Variants in ICAM4 observed in about 807,000 individuals in gnomAD.
ICAM4 encodes intercellular adhesion molecule 4.
Under a neutral mutation model 18.8 loss-of-function variants are expected in ICAM4, and 16 were observed. The observed-to-expected ratio is 0.85, with a 90% CI of 0.58 to 1.29. The LOEUF is 1.29. ICAM4 is among the 50% of genes most tolerant of loss of function. The probability of loss-of-function intolerance (pLI) is 0.00; values close to 1 mark genes in which losing one functional copy is unlikely to be tolerated. For missense variants in ICAM4, 338 were observed against 364.3 expected (o/e 0.93, Z 0.59); for synonymous variants, 163 against 163.2 (o/e 1.00, Z 0.01).
In ICAM4 at chr19:10,287,294, G is replaced by T. The variant is rs375909836; in HGVS notation, c.282G>T (p.Pro94=). The change falls in exon 1 of 3, where the codon CCG becomes CCT. Residue 94 remains proline, a synonymous_variant. Transcript: ENST00000380770. The surrounding 1 kb of genome is among the most constrained non-coding windows in gnomAD (Gnocchi z 8.7). ...PLRQGKTLRG[P]GWVSYQLLDV... Reference sequence around the variant, plus strand: ...GGCAAGGCAAGACGCTCAGAGGGCCGGGTTGGGTGTCTTACCAGCTGCTCG... The same window carrying T: ...GGCAAGGCAAGACGCTCAGAGGGCCTGGTTGGGTGTCTTACCAGCTGCTCG... The T allele has an allele frequency of 1.1e-5, 18 of 1,613,722 alleles. No homozygotes were observed. The highest frequency in any genetic ancestry group is 1.4e-5 in the Non-Finnish European group (17 of 1,180,012).
At position 10,288,130 on chromosome 19, in the gene ICAM4, C is replaced by G; in HGVS notation, c.*26C>G. ...AGGGGGATGTTCTATGCCGGCTGAG[C>G]GAGAAAAAGAGGAATATGAAACAAT... On this transcript the variant is annotated 3_prime_UTR_variant, in exon 3 of 3. Transcript: ENST00000380770. 6.2e-7 allele frequency: 1 copy of G among 1,613,994 alleles called. No individual in the cohort carries two copies. The highest frequency in any genetic ancestry group is 8.5e-7 in the Non-Finnish European group (1 of 1,180,002).
At position 10,287,911 on chromosome 19, in the gene ICAM4, A is replaced by G; in HGVS notation, c.697+73A>G. On this transcript the variant is annotated intron_variant, in intron 2 of 2. Coordinates refer to ENST00000380770, the MANE Select transcript of ICAM4 (RefSeq NM_001544.5). This position sits in a 1 kb window ranked among gnomAD's most constrained non-coding sequence, Gnocchi z 8.7. ...GAGTTATGACCCCGAGAGGGCGCAC[A>G]GACCAAGCGTGAGCTCCACGCGGGT... The G allele has an allele frequency of 6.2e-7, 1 of 1,608,388 alleles. No individual in the cohort carries two copies.
Position 10,287,650 on chromosome 19 carries a change from A to C in ICAM4, c.509A>C (p.His170Pro). ...PVGYLVVTLR[H>P]GSRVIYSESL... ...GGCTACTTGGTGGTGACCCTGAGGC[A>C]TGGAAGCCGGGTCATCTATTCCGAA... The change falls in exon 2 of 3, where the codon CAT (histidine) becomes CCT (proline). Residue 170 changes from histidine to proline, a missense_variant. His to Pro is a moderately conservative substitution (Grantham distance 77, BLOSUM62 -2). Transcript: ENST00000380770. This position sits in a 1 kb window ranked among gnomAD's most constrained non-coding sequence, Gnocchi z 8.7. The C allele has an allele frequency of 6.2e-7, 1 of 1,614,068 alleles. No homozygotes were observed. The highest frequency in any genetic ancestry group is 8.5e-7 in the Non-Finnish European group (1 of 1,180,006).
chr19:10,288,454 T>TA lies in ICAM4; in HGVS notation c.*354dup, dbSNP rs2040140675. On this transcript the variant is annotated 3_prime_UTR_variant, in exon 3 of 3. Coordinates refer to ENST00000380770, the MANE Select transcript of ICAM4 (RefSeq NM_001544.5). Reference sequence around the variant, plus strand: ...CAGAGCACGACCCTGTCTCCAAAAATAAAATAAAAATAAAAATAAATATTG... The same window carrying TA: ...CAGAGCACGACCCTGTCTCCAAAAATAAAAATAAAAATAAAAATAAATATTG... 2 of 409,408 alleles carry TA rather than the reference T, an allele frequency of 4.9e-6. No homozygotes were observed. Among genetic ancestry groups the TA allele is most frequent in the African/African-American group, 4.0e-5 (2 of 49,544 alleles). 25.4% of individuals were successfully genotyped at this position (409,408 alleles called of 1,614,324 possible).
rs2040126962 is a variant in ICAM4 at position 10,287,543 on chromosome 19, C to T, written c.402C>T (p.Pro134=). ...ATSRITAYKP[P]HSVILEPPVL... is the part of the protein sequence containing the mutation. The stretch of plus-strand genomic sequence containing the variant: ...GGCTCCCCCTTGCCTTAGAACCGCC[C>T]CACAGCGTGATTTTGGAGCCTCCGG... Residue 134 remains proline, a synonymous_variant, in exon 2 of 3, where the codon CCC becomes CCT. Coordinates refer to ENST00000380770, the MANE Select transcript of ICAM4 (RefSeq NM_001544.5). This position sits in a 1 kb window ranked among gnomAD's most constrained non-coding sequence, Gnocchi z 8.7. 1.2e-6 allele frequency: 2 copies of T among 1,613,158 alleles called. No individual in the cohort carries two copies. Among genetic ancestry groups the T allele is most frequent in the South Asian group, 2.2e-5 (2 of 91,064 alleles).
At position 10,287,528 on chromosome 19, in the gene ICAM4, T is replaced by A; in HGVS notation, c.395-8T>A. ...CGGACCTCACTCAGAGGCTCCCCCT[T>A]GCCTTAGAACCGCCCCACAGCGTGA... On this transcript the variant is annotated splice_polypyrimidine_tract_variant and splice_region_variant and intron_variant, in intron 1 of 2. Coordinates refer to ENST00000380770, the MANE Select transcript of ICAM4 (RefSeq NM_001544.5). The surrounding 1 kb of genome is among the most constrained non-coding windows in gnomAD (Gnocchi z 8.7). 1 of 1,610,276 alleles carries A rather than the reference T, an allele frequency of 6.2e-7. No individual in the cohort carries two copies. Among genetic ancestry groups the A allele is most frequent in the East Asian group, 2.2e-5 (1 of 44,774 alleles).
At position 10,287,723 on chromosome 19, in the gene ICAM4, C is replaced by T. The variant is rs145697899; in HGVS notation, c.582C>T (p.Thr194=). 437 of 1,613,910 alleles carry T rather than the reference C, an allele frequency of 2.7e-4. 1 individual carries two copies. Among genetic ancestry groups the T allele is most frequent in the Non-Finnish European group, 2.9e-4 (345 of 1,180,044 alleles). The change falls in exon 2 of 3, where the codon ACC becomes ACT. Residue 194 remains threonine, a synonymous_variant. Coordinates refer to ENST00000380770, the MANE Select transcript of ICAM4 (RefSeq NM_001544.5). This position sits in a 1 kb window ranked among gnomAD's most constrained non-coding sequence, Gnocchi z 8.7. ...TGLDLANVTL[T]YEFAAGPRDF... is the part of the protein sequence containing the mutation. ...TGGATCTGGCCAACGTGACCTTGAC[C>T]TACGAGTTTGCTGCTGGACCCCGCG...
In ICAM4 at chr19:10,287,924, G is replaced by A; in HGVS notation, c.698-62G>A. On this transcript the variant is annotated intron_variant, in intron 2 of 2. Transcript: ENST00000380770. The surrounding 1 kb of genome is among the most constrained non-coding windows in gnomAD (Gnocchi z 8.7). ...GAGAGGGCGCACAGACCAAGCGTGA[G>A]CTCCACGCGGGTCGACAGACCTCCC... 1 of 1,611,000 alleles carries A rather than the reference G, an allele frequency of 6.2e-7. No individual in the cohort carries two copies. The highest frequency in any genetic ancestry group is 8.5e-7 in the Non-Finnish European group (1 of 1,178,740).
In ICAM4 at chr19:10,287,277, A is replaced by G. The variant is rs759696057; in HGVS notation, c.265A>G (p.Lys89Glu). 1.9e-6 allele frequency: 3 copies of G among 1,613,766 alleles called. No homozygotes were observed. The highest frequency in any genetic ancestry group is 2.5e-6 in the Non-Finnish European group (3 of 1,180,030). The change falls in exon 1 of 3, where the codon AAG becomes GAG. Residue 89 changes from lysine (K) to glutamate (E), a missense_variant. Coordinates refer to ENST00000380770, the MANE Select transcript of ICAM4 (RefSeq NM_001544.5). The surrounding 1 kb of genome is among the most constrained non-coding windows in gnomAD (Gnocchi z 8.7). ...SSLRTPLRQG[K>E]TLRGPGWVSY... is the part of the protein sequence containing the mutation. ...CCTCCGCACCCCGCTGCGGCAAGGC[A>G]AGACGCTCAGAGGGCCGGGTTGGGT...
Position 10,287,252 on chromosome 19 carries a change from C to A in ICAM4, c.240C>A (p.Ser80Arg). The A allele has an allele frequency of 6.2e-7, 1 of 1,613,556 alleles. No individual in the cohort carries two copies. The highest frequency in any genetic ancestry group is 1.1e-5 in the South Asian group (1 of 91,074). ...SNSCPQPQNSSLRTPLRQGKT... is the reference protein window; with the variant it reads ...SNSCPQPQNSRLRTPLRQGKT... The stretch of plus-strand genomic sequence containing the variant: ...GCTGTCCCCAGCCGCAGAATTCCAG[C>A]CTCCGCACCCCGCTGCGGCAAGGCA... The change falls in exon 1 of 3, where the codon AGC (serine) becomes AGA (arginine). Residue 80 changes from serine (S) to arginine (R), a missense_variant. Ser to Arg is a moderately radical substitution (Grantham distance 110). Transcript: ENST00000380770. This position sits in a 1 kb window ranked among gnomAD's most constrained non-coding sequence, Gnocchi z 8.7.
chr19:10,287,366 A>C lies in ICAM4; in HGVS notation c.354A>C (p.Ala118=). 2 of 1,610,172 alleles carry C rather than the reference A, an allele frequency of 1.2e-6. No homozygotes were observed. Among genetic ancestry groups the C allele is most frequent in the Non-Finnish European group, 1.7e-6 (2 of 1,178,442 alleles). ...SSLAHCLVTC[A]GKTRWATSRI... is the part of the protein sequence containing the mutation. The stretch of plus-strand genomic sequence containing the variant: ...TCGCGCACTGCCTCGTGACCTGCGC[A>C]GGAAAAACACGCTGGGCCACCTCCA... The change falls in exon 1 of 3, where the codon GCA becomes GCC. Residue 118 remains alanine, a synonymous_variant. Coordinates refer to ENST00000380770, the MANE Select transcript of ICAM4 (RefSeq NM_001544.5). The surrounding 1 kb of genome is among the most constrained non-coding windows in gnomAD (Gnocchi z 8.7).
chr19:10,287,121 A>C lies in ICAM4; in HGVS notation c.109A>C (p.Ser37Arg). 1 of 1,608,418 alleles carries C rather than the reference A, an allele frequency of 6.2e-7. No individual in the cohort carries two copies. The highest frequency in any genetic ancestry group is 8.5e-7 in the Non-Finnish European group (1 of 1,176,834). The change falls in exon 1 of 3, where the codon AGC becomes CGC. Residue 37 changes from serine (S) to arginine (R), a missense_variant. By Grantham distance (110) the Ser-to-Arg change is moderately radical (BLOSUM62 -1). Transcript: ENST00000380770. This position sits in a 1 kb window ranked among gnomAD's most constrained non-coding sequence, Gnocchi z 8.7. Reference sequence around the variant, plus strand: ...TAAGCGGGCGCAAAGCCCCAAGGGTAGCCCTCTCGCGCCCTCCGGGACCTC... The same window carrying C: ...TAAGCGGGCGCAAAGCCCCAAGGGTCGCCCTCTCGCGCCCTCCGGGACCTC... ...RTKRAQSPKG[S>R]PLAPSGTSVP...
In ICAM4 at chr19:10,288,087, A is replaced by G; in HGVS notation, c.799A>G (p.Met267Val). Residue 267 changes from methionine (M) to valine (V), a missense_variant, in exon 3 of 3, where the codon ATG (methionine) becomes GTG (valine). Coordinates refer to ENST00000380770, the MANE Select transcript of ICAM4 (RefSeq NM_001544.5). Reference protein sequence around the residue: ...GAAYLCKCLAMKSQA With the variant: ...GAAYLCKCLAVKSQA Reference sequence around the variant, plus strand: ...TGCGTACCTATGCAAGTGCCTAGCTATGAAGTCCCAGGCGTAAAGGGGGAT... The same window carrying G: ...TGCGTACCTATGCAAGTGCCTAGCTGTGAAGTCCCAGGCGTAAAGGGGGAT... 1 of 1,614,124 alleles carries G rather than the reference A, an allele frequency of 6.2e-7. No individual in the cohort carries two copies. Among genetic ancestry groups the G allele is most frequent in the Non-Finnish European group, 8.5e-7 (1 of 1,180,006 alleles).
chr19:10,287,095 C>A lies in ICAM4; in HGVS notation c.83C>A (p.Thr28Asn), dbSNP rs766565512. Reference sequence around the variant, plus strand: ...GTTGGGAGCGCGCTGGGACGCCGGACTAAGCGGGCGCAAAGCCCCAAGGGT... The same window carrying A: ...GTTGGGAGCGCGCTGGGACGCCGGAATAAGCGGGCGCAAAGCCCCAAGGGT... ...PGVGSALGRR[T>N]KRAQSPKGSP... The change falls in exon 1 of 3, where the codon ACT (threonine) becomes AAT (asparagine). Residue 28 changes from threonine (T) to asparagine (N), a missense_variant. Physicochemically the swap from Thr to Asn is moderately conservative, Grantham distance 65 (BLOSUM62 0). Transcript: ENST00000380770. The surrounding 1 kb of genome is among the most constrained non-coding windows in gnomAD (Gnocchi z 8.7). 1.3e-6 allele frequency: 2 copies of A among 1,598,722 alleles called. No homozygotes were observed. The highest frequency in any genetic ancestry group is 1.7e-6 in the Non-Finnish European group (2 of 1,170,088).
Position 10,287,022 on chromosome 19 carries a change from C to T in ICAM4, c.10C>T (p.Leu4=), listed in dbSNP as rs754743174. The T allele has an allele frequency of 2.6e-6, 4 of 1,539,544 alleles. No homozygotes were observed. The highest frequency in any genetic ancestry group is 3.5e-6 in the Non-Finnish European group (4 of 1,143,954). The part of the protein sequence containing the change: MGS[L]FPLSLLFFLA... The stretch of plus-strand genomic sequence containing the variant: ...GTCCGGGCTTTTTGCCATGGGGTCT[C>T]TGTTCCCTCTGTCGCTGCTGTTTTT... The change falls in exon 1 of 3, where the codon CTG becomes TTG. Residue 4 remains leucine (L), a synonymous_variant. Transcript: ENST00000380770. This position sits in a 1 kb window ranked among gnomAD's most constrained non-coding sequence, Gnocchi z 8.7.
Position 10,287,672 on chromosome 19 carries a change from C to G in ICAM4, c.531C>G (p.Ser177=). The part of the protein sequence containing the change: ...TLRHGSRVIY[S]ESLERFTGLD... ...GGCATGGAAGCCGGGTCATCTATTC[C>G]GAAAGCCTGGAGCGCTTCACCGGCC... is the stretch of plus-strand genomic sequence containing the variant. The change falls in exon 2 of 3, where the codon TCC becomes TCG. Residue 177 remains serine (S), a synonymous_variant. Coordinates refer to ENST00000380770, the MANE Select transcript of ICAM4 (RefSeq NM_001544.5). The surrounding 1 kb of genome is among the most constrained non-coding windows in gnomAD (Gnocchi z 8.7). 6.2e-7 allele frequency: 1 copy of G among 1,614,104 alleles called. No individual in the cohort carries two copies. The highest frequency in any genetic ancestry group is 8.5e-7 in the Non-Finnish European group (1 of 1,180,034).
At position 10,287,726 on chromosome 19, in the gene ICAM4, C is replaced by T. The variant is rs2040129952; in HGVS notation, c.585C>T (p.Tyr195=). 3 of 1,614,032 alleles carry T rather than the reference C, an allele frequency of 1.9e-6. No homozygotes were observed. Among genetic ancestry groups the T allele is most frequent in the Non-Finnish European group, 1.7e-6 (2 of 1,180,040 alleles). The change falls in exon 2 of 3, where the codon TAC becomes TAT. Residue 195 remains tyrosine (Y), a synonymous_variant. Coordinates refer to ENST00000380770, the MANE Select transcript of ICAM4 (RefSeq NM_001544.5). This position sits in a 1 kb window ranked among gnomAD's most constrained non-coding sequence, Gnocchi z 8.7. The part of the protein sequence containing the change: ...GLDLANVTLT[Y]EFAAGPRDFW... ...ATCTGGCCAACGTGACCTTGACCTA[C>T]GAGTTTGCTGCTGGACCCCGCGACT...
Position 10,287,319 on chromosome 19 carries a change from G to A in ICAM4, c.307G>A (p.Asp103Asn). The change falls in exon 1 of 3, where the codon GAC (aspartate) becomes AAC (asparagine). Residue 103 changes from aspartate (D) to asparagine (N), a missense_variant. Coordinates refer to ENST00000380770, the MANE Select transcript of ICAM4 (RefSeq NM_001544.5). The surrounding 1 kb of genome is among the most constrained non-coding windows in gnomAD (Gnocchi z 8.7). ...GGGTTGGGTGTCTTACCAGCTGCTC[G>A]ACGTGAGGGCCTGGAGCTCCCTCGC... ...GPGWVSYQLL[D>N]VRAWSSLAHC... The A allele has an allele frequency of 6.2e-7, 1 of 1,613,606 alleles. No individual in the cohort carries two copies. Among genetic ancestry groups the A allele is most frequent in the Non-Finnish European group, 8.5e-7 (1 of 1,179,968 alleles).
Position 10,288,059 on chromosome 19 carries a change from C to A in ICAM4, c.771C>A (p.Gly257=). 6.2e-7 allele frequency: 1 copy of A among 1,614,120 alleles called. No homozygotes were observed. The highest frequency in any genetic ancestry group is 1.7e-5 in the Admixed American group (1 of 60,020). ...TTGTAGGGATCCTCCTCACTGTGGG[C>A]GCTGCGTACCTATGCAAGTGCCTAG... ...AALVGILLTV[G]AAYLCKCLAM... The change falls in exon 3 of 3, where the codon GGC becomes GGA. Residue 257 remains glycine, a synonymous_variant. Transcript: ENST00000380770.
Sources: gnomAD v4.1 joint callset for allele counts on GRCh38, gnomAD v4.1.1 for gene constraint, Gnocchi (gnomAD v3.1) non-coding constraint, MANE v1.5 for transcripts, NCBI Gene and HGNC (gene_info 2026-07-23, HGNC 2026-07-21) for gene names.